Variants in RYR2 observed in about 807,000 individuals in gnomAD.
RYR2 encodes ryanodine receptor 2.
Under a neutral mutation model 601.1 loss-of-function variants are expected in RYR2, and 227 were observed. The ratio of observed to expected loss-of-function variants is 0.38; its 90% confidence interval spans 0.34 to 0.42. The LOEUF (loss-of-function observed/expected upper bound fraction) is 0.42. RYR2 is among the 10% of genes least tolerant of loss of function. The probability of loss-of-function intolerance (pLI) is 1.00; values close to 1 mark genes in which losing one functional copy is unlikely to be tolerated. For synonymous variants in RYR2, 2,223 were observed against 2,175.1 expected (o/e 1.02, Z -0.61); for missense variants, 4,646 against 6,156.5 (o/e 0.75, Z 8.21).
chr1:237,172,204 A>C (rs1677481394), intron 1 of RYR2, among the ~76,000 whole-genome samples: 1 of 152,222 alleles, frequency 6.6e-6, no homozygotes, highest in Non-Finnish European at 1.5e-5. Context: ...ATACAAGGTG[A>C]ATTTAATCAG....
intron 2 of RYR2, among the ~76,000 whole-genome samples, chr1:237,276,656 G>T (rs1041568431): frequency 3.9e-5 from 6 of 152,052 alleles, no homozygotes; most frequent in African/African-American, 1.4e-4. Context: ...GTTGGAAGGG[G>T]ATAATGATCA....
chr1:237,424,907 T>C (rs888368305), intron 12 of RYR2, among the ~76,000 whole-genome samples: 17 of 152,198 alleles, frequency 1.1e-4, no homozygotes, highest in African/African-American at 3.4e-4. Context: ...ATTTCTACAG[T>C]AGGTCTATGG....
chr1:237,676,212 A>G (rs932660840), intron 60 of RYR2, among the ~76,000 whole-genome samples: 1 of 152,170 alleles, frequency 6.6e-6, no homozygotes, highest in Non-Finnish European at 1.5e-5. Flanking sequence ...AAGAGTCATC[A>G]TTTGGAGAAA....
rs1030717762 is a variant in RYR2, at chr1:237,433,731, C to T, written c.1006-7588C>T. Among the ~76,000 whole-genome samples, 45 of 152,198 alleles carry T rather than the reference C, an allele frequency of 3.0e-4. No homozygotes were observed. In the South Asian group the frequency reaches 5.2e-3, roughly 18 times the overall value. On this transcript the variant is annotated intron_variant, in intron 12 of 104. Transcript: ENST00000366574. ...CTCTTTACATACTTCTGCCACATTT[C>T]CCATGAAGAAGAGTTATACTGTGGA... is the stretch of plus-strand genomic sequence containing the variant.
At chr1:237,417,339 A>C (rs982988902) in intron 11 of RYR2, among the ~76,000 whole-genome samples, 1 of 152,094 alleles carries the variant, frequency 6.6e-6, no homozygotes, top group African/African-American at 2.4e-5. Flanking sequence ...CCTGAGAAAT[A>C]AGCAATAATT....
Position 237,717,387 on chromosome 1 carries a change from C to G in RYR2, c.10494+19C>G, listed in dbSNP as rs1689352797. The stretch of plus-strand genomic sequence containing the variant: ...TAGCCTGGTAAGTCTCCTTTTCATC[C>G]CAGCGGTAATGATCATCTGACCTCC... On this transcript the variant is annotated intron_variant, in intron 72 of 104. Coordinates refer to ENST00000366574, the MANE Select transcript of RYR2 (RefSeq NM_001035.3). 1 of 1,567,552 alleles carries G rather than the reference C, an allele frequency of 6.4e-7. No individual in the cohort carries two copies. Among genetic ancestry groups the G allele is most frequent in the Non-Finnish European group, 8.7e-7 (1 of 1,153,850 alleles).
At chr1:237,131,919 G>A (rs527750746) in intron 1 of RYR2, among the ~76,000 whole-genome samples, 7 of 151,732 alleles carry the variant, frequency 4.6e-5, no homozygotes, top group Admixed American at 2.6e-4. Context: ...AGGTGGGGAC[G>A]CCCTACGTTG....
At chr1:237,320,108 G>T (rs1695488904) in intron 2 of RYR2, among the ~76,000 whole-genome samples, 2 of 152,250 alleles carry the variant, frequency 1.3e-5, no homozygotes, top group South Asian at 4.1e-4. Context: ...AAGCATAAAA[G>T]TTTCTTATAT....
intron 1 of RYR2, among the ~76,000 whole-genome samples, chr1:237,111,092 G>A (rs1669416546): frequency 6.6e-6 from 1 of 152,162 alleles, no homozygotes; most frequent in Non-Finnish European, 1.5e-5. Context: ...ATGCTTCGAG[G>A]TTGGACCAAG....
intron 25 of RYR2, among the ~76,000 whole-genome samples, chr1:237,535,518 C>T (rs1032631488): frequency 4.0e-5 from 6 of 148,772 alleles, no homozygotes; most frequent in African/African-American, 4.9e-5. Context: ...CACACACACA[C>T]GTCCCAAACA....
At chr1:237,189,616 C>T (rs1679743900) in intron 1 of RYR2, among the ~76,000 whole-genome samples, 1 of 152,150 alleles carries the variant, frequency 6.6e-6, no homozygotes, top group African/African-American at 2.4e-5. Context: ...CATGTGAAGA[C>T]ACAACGTAAA....
intron 99 of RYR2, among the ~76,000 whole-genome samples, chr1:237,808,563 G>A (rs1337880286): frequency 1.3e-5 from 2 of 151,822 alleles, no homozygotes; most frequent in Non-Finnish European, 1.5e-5. Flanking sequence ...GGGAGGCTGA[G>A]GCAGGAGAAT....
At chr1:237,124,587 T>A (rs542404644) in intron 1 of RYR2, among the ~76,000 whole-genome samples, 7 of 152,350 alleles carry the variant, frequency 4.6e-5, no homozygotes, top group Admixed American at 2.6e-4. Flanking sequence ...GTTGTTAGCA[T>A]TCCGGGGCCA....
At chr1:237,494,259 CAGCCTTCAGCCTGTGGCTGAAGGCCCGA>C (rs1663777995) in intron 19 of RYR2, among the ~76,000 whole-genome samples, 1 of 152,262 alleles carries the variant, frequency 6.6e-6, no homozygotes, top group African/African-American at 2.4e-5. Flanking sequence ...GCCAGAAGTG[CAGCCTTCAGCCTGTGGCTGAAGGCCCGA>C]GAGCCCCTGG....
At chr1:237,575,118 G>A (rs1673094087) in intron 29 of RYR2, among the ~76,000 whole-genome samples, 1 of 152,190 alleles carries the variant, frequency 6.6e-6, no homozygotes, top group African/African-American at 2.4e-5. Context: ...CAGCAGGGCA[G>A]TCCCAAGGAT....
rs1665105456 is a variant in RYR2 at position 237,077,415 on chromosome 1, A to G, written c.48+34846A>G. The stretch of plus-strand genomic sequence containing the variant: ...GCAGAGACACACATAGGCTCAAAAT[A>G]AAAGGATGGAGGAAGATCTACTAAG... On this transcript the variant is annotated intron_variant, in intron 1 of 104. Transcript: ENST00000366574. 3.8e-5 allele frequency among the ~76,000 whole-genome samples: 5 copies of G among 130,898 alleles called. No individual in the cohort carries two copies. The Admixed American group carries it at 4.2e-4, about 11-fold the overall frequency. 85.9% of individuals were successfully genotyped at this position (130,898 alleles called of 152,430 possible). A position where few individuals can be genotyped will look rare whatever the true frequency, so the allele number is the denominator to read the frequency against.
intron 80 of RYR2, among the ~76,000 whole-genome samples, chr1:237,754,608 A>C (rs1410180527): frequency 6.6e-6 from 1 of 152,144 alleles, no homozygotes; most frequent in Non-Finnish European, 1.5e-5. Flanking sequence ...ATTTCTTATC[A>C]TTTTCTTACT....
chr1:237,719,757 T>A (rs972897574), intron 73 of RYR2, among the ~76,000 whole-genome samples: 3 of 147,976 alleles, frequency 2.0e-5, no homozygotes, highest in Non-Finnish European at 4.4e-5. Context: ...TCCCACCAGG[T>A]CCCGTCTCCA....
intron 96 of RYR2, among the ~76,000 whole-genome samples, 156 bp downstream of exon 96, chr1:237,795,487 C>T (rs1157409155): frequency 2.0e-5 from 3 of 151,350 alleles, no homozygotes; most frequent in East Asian, 1.9e-4. Flanking sequence ...AGTCTCACTC[C>T]GTCACCCAGG....
Sources: allele counts gnomAD v4.1 joint callset (sites outside exome capture counted in the v4.1 genomes callset), GRCh38; gene constraint gnomAD v4.1.1; transcripts MANE v1.5; gene names NCBI Gene and HGNC (gene_info 2026-07-23, HGNC 2026-07-21).